Variants in KCNQ1OT1 observed in about 807,000 individuals in gnomAD.
KCNQ1OT1 encodes KCNQ1 antisense RNA 2 (non-protein coding).
rs1850579665 is a variant in KCNQ1OT1 at position 2,691,048 on chromosome 11, G to A, written n.8947C>T. The A allele has an allele frequency of 2.5e-6, 1 of 398,550 alleles. No individual in the cohort carries two copies. Among genetic ancestry groups the A allele is most frequent in the Non-Finnish European group, 4.4e-6 (1 of 226,098 alleles). 24.7% of individuals were successfully genotyped at this position (398,550 alleles called of 1,614,324 possible). A position where few individuals can be genotyped will look rare whatever the true frequency, so the allele number is the denominator to read the frequency against. On this transcript the variant is annotated non_coding_transcript_exon_variant, in exon 1 of 1. Transcript: ENST00000597346. This position sits in a 1 kb window ranked among gnomAD's most constrained non-coding sequence, Gnocchi z 6.4. ...TGGCTCAGGTATCAGGATATGCTGG[G>A]TGAGGGAAATAATGGAGGCACCTTT...
chr11:2,689,473 C>T, exon 1 of KCNQ1OT1: 1 of 398,688 alleles, frequency 2.5e-6, no homozygotes, highest in Non-Finnish European at 4.4e-6. Context: ...TCTGCTCTGC[C>T]TACCTGCATT....
chr11:2,609,680 T>C (rs931401158), exon 1 of KCNQ1OT1: 2 of 398,426 alleles, frequency 5.0e-6, no homozygotes, highest in Non-Finnish European at 8.9e-6. Context: ...TGTCAGTTTT[T>C]GCTTCTTATG....
rs1227291629 is a variant in KCNQ1OT1 at position 2,608,720 on chromosome 11, CA to C, written n.91274del. On this transcript the variant is annotated non_coding_transcript_exon_variant, in exon 1 of 1. Transcript: ENST00000597346. The surrounding 1 kb of genome is among the most constrained non-coding windows in gnomAD (Gnocchi z 4.6). Reference sequence around the variant, plus strand: ...CACAAGCAATTCTCGAACTCCTGGCCACAAGCAATTCTCCTGCCTTGGCCTC... The same window carrying C: ...CACAAGCAATTCTCGAACTCCTGGCCCAAGCAATTCTCCTGCCTTGGCCTC... 2 of 394,528 alleles carry C rather than the reference CA, an allele frequency of 5.1e-6. No individual in the cohort carries two copies. Among genetic ancestry groups the C allele is most frequent in the Non-Finnish European group, 8.8e-6 (2 of 226,052 alleles). The allele number at this position is 394,528 out of a possible 1,614,324, so 24.4% of individuals were successfully genotyped here. A position where few individuals can be genotyped will look rare whatever the true frequency, so the allele number is the denominator to read the frequency against.
exon 1 of KCNQ1OT1, chr11:2,634,301 T>G: frequency 3.1e-6 from 1 of 322,604 alleles, no homozygotes; most frequent in Non-Finnish European, 5.5e-6. Flanking sequence ...GTATATCTCC[T>G]AATGCTTTCC....
rs1850187528 is a variant in KCNQ1OT1 at position 2,671,764 on chromosome 11, T to G, written n.28231A>C. On this transcript the variant is annotated non_coding_transcript_exon_variant, in exon 1 of 1. Transcript: ENST00000597346. This position sits in a 1 kb window ranked among gnomAD's most constrained non-coding sequence, Gnocchi z 4.7. ...AAGGAGCTACATACACATACATGCA[T>G]GCACATAATCATTCTGACCCAGTCA... is the stretch of plus-strand genomic sequence containing the variant. 1 of 398,598 alleles carries G rather than the reference T, an allele frequency of 2.5e-6. No homozygotes were observed. The highest frequency in any genetic ancestry group is 1.3e-4 in the South Asian group (1 of 7,866). 24.7% of individuals were successfully genotyped at this position (398,598 alleles called of 1,614,324 possible).
chr11:2,626,065 T>C lies in KCNQ1OT1; in HGVS notation n.73930A>G, dbSNP rs1437467449. ...TAAAATTTATCTAGTTTTACTTTTATTGCCTGTGCAAGTACAATTTATCTA... is the reference window on the plus strand; with the variant it reads ...TAAAATTTATCTAGTTTTACTTTTACTGCCTGTGCAAGTACAATTTATCTA... On this transcript the variant is annotated non_coding_transcript_exon_variant, in exon 1 of 1. Transcript: ENST00000597346. The surrounding 1 kb of genome is among the most constrained non-coding windows in gnomAD (Gnocchi z 4.0). 2.0e-5 allele frequency: 8 copies of C among 398,548 alleles called. No individual in the cohort carries two copies. The highest frequency in any genetic ancestry group is 4.4e-5 in the Admixed American group (1 of 22,722). The allele number at this position is 398,548 out of a possible 1,614,324, so 24.7% of individuals were successfully genotyped here.
chr11:2,685,404 T>A, exon 1 of KCNQ1OT1: 1 of 398,650 alleles, frequency 2.5e-6, no homozygotes, highest in Non-Finnish European at 4.4e-6. Context: ...TGTGTTTCCA[T>A]GGGTCTCCTT....
In KCNQ1OT1 at chr11:2,699,990, G is replaced by T. The variant is rs371791788; in HGVS notation, n.5C>A. The T allele has an allele frequency of 1.5e-5, 6 of 398,294 alleles. No homozygotes were observed. The East Asian group carries it at 1.8e-4, about 12-fold the overall frequency. The allele number at this position is 398,294 out of a possible 1,614,324, so 24.7% of individuals were successfully genotyped here. On this transcript the variant is annotated non_coding_transcript_exon_variant, in exon 1 of 1. Coordinates refer to ENST00000597346, the Ensembl canonical transcript of KCNQ1OT1. The stretch of plus-strand genomic sequence containing the variant: ...TCCGTGCTGAGGCGACGCGGCGACC[G>T]TTCTGCCTGGAGACTGCGGCAGCGC...
chr11:2,665,839 G>C (rs892902899), exon 1 of KCNQ1OT1: 2 of 398,544 alleles, frequency 5.0e-6, no homozygotes, highest in African/African-American at 2.1e-5. Flanking sequence ...TGAGGCACAG[G>C]GCTAGGGGCC....
rs1323543760 is a variant in KCNQ1OT1 at position 2,695,845 on chromosome 11, G to C, written n.4150C>G. The C allele has an allele frequency of 2.5e-6, 1 of 398,514 alleles. No individual in the cohort carries two copies. The highest frequency in any genetic ancestry group is 4.4e-6 in the Non-Finnish European group (1 of 226,062). The allele number at this position is 398,514 out of a possible 1,614,324, so 24.7% of individuals were successfully genotyped here. On this transcript the variant is annotated non_coding_transcript_exon_variant, in exon 1 of 1. Transcript: ENST00000597346. This position sits in a 1 kb window ranked among gnomAD's most constrained non-coding sequence, Gnocchi z 5.2. ...CATTTCTCTGATAACTGATTAGCTTGGGCAAATTTTCATCTGTTTGTTAAC... is the reference window on the plus strand; with the variant it reads ...CATTTCTCTGATAACTGATTAGCTTCGGCAAATTTTCATCTGTTTGTTAAC...
Position 2,678,423 on chromosome 11 carries a change from G to A in KCNQ1OT1, n.21572C>T. On this transcript the variant is annotated non_coding_transcript_exon_variant, in exon 1 of 1. Transcript: ENST00000597346. The surrounding 1 kb of genome is among the most constrained non-coding windows in gnomAD (Gnocchi z 4.9). Reference sequence around the variant, plus strand: ...TCCAGTTGTCCAACACTATTTATTTGAGTACATCATCATCTCTCTACTAAT... The same window carrying A: ...TCCAGTTGTCCAACACTATTTATTTAAGTACATCATCATCTCTCTACTAAT... 1 of 398,482 alleles carries A rather than the reference G, an allele frequency of 2.5e-6. No individual in the cohort carries two copies. Among genetic ancestry groups the A allele is most frequent in the Non-Finnish European group, 4.4e-6 (1 of 226,032 alleles). 24.7% of individuals were successfully genotyped at this position (398,482 alleles called of 1,614,324 possible). A position where few individuals can be genotyped will look rare whatever the true frequency, so the allele number is the denominator to read the frequency against.
chr11:2,689,013 G>GA, exon 1 of KCNQ1OT1: 1 of 398,774 alleles, frequency 2.5e-6, no homozygotes, highest in Non-Finnish European at 4.4e-6. Flanking sequence ...CCCTGGGTTG[G>GA]AATCCTGGAG....
chr11:2,654,007 A>T lies in KCNQ1OT1; in HGVS notation n.45988T>A, dbSNP rs1326972117. 1 of 398,558 alleles carries T rather than the reference A, an allele frequency of 2.5e-6. No homozygotes were observed. The highest frequency in any genetic ancestry group is 2.1e-5 in the African/African-American group (1 of 48,646). The allele number at this position is 398,558 out of a possible 1,614,324, so 24.7% of individuals were successfully genotyped here. Reference sequence around the variant, plus strand: ...AAGCGGAACTGGGTGCCAGCTGTGAATATACATTTTCACTCCATTCCTCGC... The same window carrying T: ...AAGCGGAACTGGGTGCCAGCTGTGATTATACATTTTCACTCCATTCCTCGC... On this transcript the variant is annotated non_coding_transcript_exon_variant, in exon 1 of 1. Coordinates refer to ENST00000597346, the Ensembl canonical transcript of KCNQ1OT1. The surrounding 1 kb of genome is among the most constrained non-coding windows in gnomAD (Gnocchi z 6.4).
exon 1 of KCNQ1OT1, chr11:2,630,047 T>G: frequency 2.5e-6 from 1 of 398,116 alleles, no homozygotes; most frequent in South Asian, 1.3e-4. Flanking sequence ...TGATGTTAGC[T>G]GTGGGCTATT....
At position 2,695,436 on chromosome 11, in the gene KCNQ1OT1, G is replaced by C. The variant is rs1299978789; in HGVS notation, n.4559C>G. 2 of 398,314 alleles carry C rather than the reference G, an allele frequency of 5.0e-6. No homozygotes were observed. Among genetic ancestry groups the C allele is most frequent in the Non-Finnish European group, 4.4e-6 (1 of 226,092 alleles). The allele number at this position is 398,314 out of a possible 1,614,324, so 24.7% of individuals were successfully genotyped here. A position where few individuals can be genotyped will look rare whatever the true frequency, so the allele number is the denominator to read the frequency against. On this transcript the variant is annotated non_coding_transcript_exon_variant, in exon 1 of 1. Transcript: ENST00000597346. This position sits in a 1 kb window ranked among gnomAD's most constrained non-coding sequence, Gnocchi z 5.2. ...ATGTACTGAGGCCCTCTTTCTGTTTGGCATTTGTGTCACTCAGCACTGTGT... is the reference window on the plus strand; with the variant it reads ...ATGTACTGAGGCCCTCTTTCTGTTTCGCATTTGTGTCACTCAGCACTGTGT...
At chr11:2,660,681 T>A (rs1849936669) in exon 1 of KCNQ1OT1, 1 of 398,516 alleles carries the variant, frequency 2.5e-6, no homozygotes, top group African/African-American at 2.1e-5. Flanking sequence ...TGCTTGATAG[T>A]CCCTGCAAAA....
Position 2,645,806 on chromosome 11 carries a change from A to G in KCNQ1OT1, n.54189T>C. ...GATGCAGTCTGGTGGGGGTTGGGCT[A>G]TCAAAATGGGACTTTCCTGAAGTTG... On this transcript the variant is annotated non_coding_transcript_exon_variant, in exon 1 of 1. Transcript: ENST00000597346. This position sits in a 1 kb window ranked among gnomAD's most constrained non-coding sequence, Gnocchi z 5.8. 1 of 398,754 alleles carries G rather than the reference A, an allele frequency of 2.5e-6. No homozygotes were observed. Among genetic ancestry groups the G allele is most frequent in the East Asian group, 3.6e-5 (1 of 28,074 alleles). 24.7% of individuals were successfully genotyped at this position (398,754 alleles called of 1,614,324 possible). A position where few individuals can be genotyped will look rare whatever the true frequency, so the allele number is the denominator to read the frequency against.
chr11:2,695,977 T>C lies in KCNQ1OT1; in HGVS notation n.4018A>G, dbSNP rs1850669714. Reference sequence around the variant, plus strand: ...CTCAGCTTTAATTGTTTCAAATATCTTGTAATGAGTCATGGCAAAGTTACA... The same window carrying C: ...CTCAGCTTTAATTGTTTCAAATATCCTGTAATGAGTCATGGCAAAGTTACA... On this transcript the variant is annotated non_coding_transcript_exon_variant, in exon 1 of 1. Transcript: ENST00000597346. The surrounding 1 kb of genome is among the most constrained non-coding windows in gnomAD (Gnocchi z 5.2). The C allele has an allele frequency of 2.5e-6, 1 of 398,508 alleles. No individual in the cohort carries two copies. The highest frequency in any genetic ancestry group is 4.4e-6 in the Non-Finnish European group (1 of 226,074). The allele number at this position is 398,508 out of a possible 1,614,324, so 24.7% of individuals were successfully genotyped here.
At chr11:2,680,766 ATTC>A in exon 1 of KCNQ1OT1, 1 of 394,320 alleles carries the variant, frequency 2.5e-6, no homozygotes, top group East Asian at 3.6e-5. Context: ...CTACTAACCT[ATTC>A]TTCATTTCTT....
Sources: gnomAD v4.1 joint callset for allele counts on GRCh38, gnomAD v4.1.1 for gene constraint, Gnocchi (gnomAD v3.1) non-coding constraint, MANE v1.5 for transcripts, NCBI Gene and HGNC (gene_info 2026-07-23, HGNC 2026-07-21) for gene names.